The following IFT122 variants were observed in gnomAD, a reference collection of about 807,000 sequenced individuals.
IFT122 encodes the protein intraflagellar transport 122, also known as intraflagellar transport protein 122 homolog.
In IFT122, 118 loss-of-function variants were observed where a neutral mutation model predicts 161.6. The observed-to-expected ratio is 0.73, with a 90% CI of 0.63 to 0.85. The LOEUF is 0.85. Among genes scored for constraint, IFT122 ranks in the 40% least tolerant of loss-of-function variants. The pLI, the probability that IFT122 is intolerant of heterozygous loss-of-function variation, is 0.00. For missense variants in IFT122, 1,381 were observed against 1,579.6 expected (o/e 0.87, Z 2.13); for synonymous variants, 550 against 602.4 (o/e 0.91, Z 1.27).
At chr3:129,468,040 G>T (rs955690043) in intron 8 of IFT122, among the ~76,000 whole-genome samples, 1 of 152,250 alleles carries the variant, frequency 6.6e-6, no homozygotes, top group Non-Finnish European at 1.5e-5. Flanking sequence ...AGGGCTCACT[G>T]GTGGGCTGGG....
rs1262691868 is a variant in IFT122 at position 129,492,263 on chromosome 3, C to G, written c.2046+69C>G. ...GGTTCCTGTTTTAGGGGCAGCCCTT[C>G]TAACAGGCAAGAGCCTTGAGGACAT... On this transcript the variant is annotated intron_variant, in intron 17 of 29. Coordinates refer to ENST00000348417, the MANE Select transcript of IFT122 (RefSeq NM_052989.3). 1.2e-5 allele frequency: 14 copies of G among 1,200,962 alleles called. No homozygotes were observed. The East Asian group carries it at 3.0e-4, about 26-fold the overall frequency. 74.4% of individuals were successfully genotyped at this position (1,200,962 alleles called of 1,614,324 possible).
intron 25 of IFT122, chr3:129,515,015 C>T: frequency 2.7e-6 from 1 of 364,956 alleles, no homozygotes. Context: ...CTCCCTCAAG[C>T]TCAGAGCAAG....
intron 9 of IFT122, among the ~76,000 whole-genome samples, chr3:129,473,695 C>T (rs973441906): frequency 1.3e-5 from 2 of 152,204 alleles, no homozygotes; most frequent in Admixed American, 1.3e-4. Context: ...TACTTTGCTT[C>T]TCTTTTCTGG....
intron 9 of IFT122, among the ~76,000 whole-genome samples, chr3:129,471,129 A>G (rs985330272): frequency 6.6e-6 from 1 of 152,226 alleles, no homozygotes; most frequent in Non-Finnish European, 1.5e-5. Flanking sequence ...CAAGTGAGAA[A>G]TGCAACCTGT....
intron 12 of IFT122, among the ~76,000 whole-genome samples, chr3:129,479,255 C>CAT (rs2078341710): frequency 1.2e-5 from 1 of 81,422 alleles, no homozygotes. Flanking sequence ...CCATCTCCAC[C>CAT]AAAAAAAAAA....
chr3:129,464,557 A>G (rs2076512787), intron 6 of IFT122, 78 bp from the exon 7 acceptor site: 7 of 1,562,288 alleles, frequency 4.5e-6, no homozygotes, highest in Non-Finnish European at 6.2e-6. Context: ...ATTTCAAACC[A>G]AGGCATCATC....
chr3:129,513,161 G>T (rs1013945785), intron 24 of IFT122: 1 of 153,034 alleles, frequency 6.5e-6, no homozygotes, highest in Non-Finnish European at 1.5e-5. Context: ...GCCATCGAGG[G>T]CCACAGTGGT....
intron 3 of IFT122, among the ~76,000 whole-genome samples, chr3:129,456,504 G>C (rs2075512085): frequency 6.6e-6 from 1 of 152,188 alleles, no homozygotes; most frequent in African/African-American, 2.4e-5. Context: ...GGGCATGGTG[G>C]TGTGTGCCTG....
intron 11 of IFT122, among the ~76,000 whole-genome samples, chr3:129,477,435 A>G (rs957116305): frequency 2.6e-5 from 4 of 152,240 alleles, no homozygotes; most frequent in African/African-American, 7.2e-5. Context: ...GTGCCTTTGC[A>G]AGGGATCCAG....
intron 3 of IFT122, 124 bp from the exon 4 acceptor site, chr3:129,458,475 T>C: frequency 1.2e-6 from 1 of 839,678 alleles, no homozygotes; most frequent in Non-Finnish European, 2.0e-6. Flanking sequence ...CCAGTACTGA[T>C]AAGAACTAGG....
chr3:129,469,426 C>T lies in IFT122; in HGVS notation c.816+9C>T. 1.9e-6 allele frequency: 3 copies of T among 1,605,840 alleles called. No individual in the cohort carries two copies. The highest frequency in any genetic ancestry group is 2.6e-6 in the Non-Finnish European group (3 of 1,172,646). ...AGCTGAGTGGAAAACAGGTATGTAGCCCTGTACAAATCCAATTGCAGTCAT... is the reference window on the plus strand; with the variant it reads ...AGCTGAGTGGAAAACAGGTATGTAGTCCTGTACAAATCCAATTGCAGTCAT... On this transcript the variant is annotated intron_variant, in intron 9 of 29. Coordinates refer to ENST00000348417, the MANE Select transcript of IFT122 (RefSeq NM_052989.3).
Position 129,476,281 on chromosome 3 carries a change from G to A in IFT122, c.817-34G>A, listed in dbSNP as rs763595907. On this transcript the variant is annotated intron_variant, in intron 9 of 29. Coordinates refer to ENST00000348417, the MANE Select transcript of IFT122 (RefSeq NM_052989.3). ...TTGCAATGGTTATGGATTCGGAAAT[G>A]GTTTTTCCCTTGCTGTGTGTTCTTT... 3.1e-6 allele frequency: 5 copies of A among 1,611,708 alleles called. No homozygotes were observed. In the Admixed American group the frequency reaches 8.3e-5, roughly 27 times the overall value.
Position 129,506,525 on chromosome 3 carries a change from A to G in IFT122, c.2767A>G (p.Met923Val), listed in dbSNP as rs1034813962. 2.7e-5 allele frequency: 43 copies of G among 1,614,136 alleles called. No homozygotes were observed. Among genetic ancestry groups the G allele is most frequent in the Non-Finnish European group, 3.6e-5 (42 of 1,180,052 alleles). Residue 923 changes from methionine (M) to valine (V), a missense_variant, in exon 22 of 30, where the codon ATG becomes GTG. Coordinates refer to ENST00000348417, the MANE Select transcript of IFT122 (RefSeq NM_052989.3). ...DAAYYYWMLS[M>V]QCLDIAQDPA... ...TGCCTATTATTACTGGATGCTGTCC[A>G]TGCAGTGCCTCGATATAGCTCAAGG...
chr3:129,467,108 C>G, intron 8 of IFT122, 42 bp downstream of exon 8: 2 of 1,576,584 alleles, frequency 1.3e-6, no homozygotes, highest in South Asian at 2.2e-5. Flanking sequence ...TGGTAAGGGC[C>G]CAGGCCCCAC....
rs1309369452 is a variant in IFT122, at chr3:129,516,693, T to TGCGC, written c.3266-774_3266-773insGCGC. Among the ~76,000 whole-genome samples the TGCGC allele has an allele frequency of 4.1e-4, 22 of 54,076 alleles. 1 individual carries two copies. The South Asian group carries it at 6.2e-3, about 15-fold the overall frequency. The allele number at this position is 54,076 out of a possible 152,430, so 35.5% of individuals were successfully genotyped here. On this transcript the variant is annotated intron_variant, in intron 26 of 29. Transcript: ENST00000348417. ...CCCCTGCACACACACAGATTGCTCC[T>TGCGC]GCACACACACACACACACACACACA...
Position 129,516,157 on chromosome 3 carries a change from G to C in IFT122, c.3265+558G>C, listed in dbSNP as rs575271648. 2.0e-3 allele frequency among the ~76,000 whole-genome samples: 223 copies of C among 109,298 alleles called. 1 individual carries two copies. The highest frequency in any genetic ancestry group is 7.4e-3 in the African/African-American group (201 of 27,120). The allele number at this position is 109,298 out of a possible 152,430, so 71.7% of individuals were successfully genotyped here. ...GAGACTGCCCCTGCACACACACACA[G>C]AGACCGCCCCTGCACACACACACAC... is the stretch of plus-strand genomic sequence containing the variant. On this transcript the variant is annotated intron_variant, in intron 26 of 29. Coordinates refer to ENST00000348417, the MANE Select transcript of IFT122 (RefSeq NM_052989.3).
rs2078025889 is a variant in IFT122, at chr3:129,476,953, T to C, written c.1147+152T>C. ...GGTCTGTGTCTTGTTTTCTTTTTTT[T>C]TTTTTTTTGGTGGGGGAAGTAGGGA... On this transcript the variant is annotated intron_variant, in intron 11 of 29. Transcript: ENST00000348417. The C allele has an allele frequency of 3.4e-6, 3 of 884,998 alleles. No individual in the cohort carries two copies. In the Admixed American group the frequency reaches 7.4e-5, roughly 22 times the overall value. The allele number at this position is 884,998 out of a possible 1,614,324, so 54.8% of individuals were successfully genotyped here.
At chr3:129,444,535 T>TG (rs1320573103) in intron 1 of IFT122, among the ~76,000 whole-genome samples, 1 of 152,160 alleles carries the variant, frequency 6.6e-6, no homozygotes, top group African/African-American at 2.4e-5. Flanking sequence ...ACTCTTTTTT[T>TG]TTTTTGAGAC....
Position 129,504,403 on chromosome 3 carries a change from T to G in IFT122, c.2632T>G (p.Phe878Val). The stretch of plus-strand genomic sequence containing the variant: ...TCAGTGGCTAGCAGAGAACGATCGC[T>G]TTGAGGAAGCCCAGAAAGGTAGGCA... Reference protein sequence around the residue: ...YAQWLAENDRFEEAQKAFHKA... With the variant: ...YAQWLAENDRVEEAQKAFHKA... The change falls in exon 21 of 30, where the codon TTT (phenylalanine) becomes GTT (valine). Residue 878 changes from phenylalanine (F) to valine (V), a missense_variant. Coordinates refer to ENST00000348417, the MANE Select transcript of IFT122 (RefSeq NM_052989.3). 1.9e-6 allele frequency: 3 copies of G among 1,613,932 alleles called. No homozygotes were observed. Among genetic ancestry groups the G allele is most frequent in the Non-Finnish European group, 2.5e-6 (3 of 1,179,846 alleles).
Sources: allele counts gnomAD v4.1 joint callset (sites outside exome capture counted in the v4.1 genomes callset), GRCh38; gene constraint gnomAD v4.1.1; transcripts MANE v1.5; gene names NCBI Gene and HGNC (gene_info 2026-07-23, HGNC 2026-07-21).